SETD2: variants seen among roughly 807,000 people sequenced by gnomAD.
SETD2 encodes histone-lysine N-methyltransferase SETD2.
In SETD2, 31 loss-of-function variants were observed where a neutral mutation model predicts 242.1. The observed-to-expected ratio is 0.13, with a 90% CI of 0.10 to 0.17. The LOEUF (loss-of-function observed/expected upper bound fraction) is 0.17, where lower values mean the gene tolerates loss of function less well. SETD2 is among the 10% of genes least tolerant of loss of function. The pLI is 1.00. For synonymous variants in SETD2, 1,006 were observed against 1,066.5 expected (o/e 0.94, Z 1.11); for missense variants, 2,481 against 3,046.3 (o/e 0.81, Z 4.37).
In SETD2 at chr3:47,057,436, A is replaced by C. The variant is rs1485734385; in HGVS notation, c.6348T>G (p.Leu2116=). 2.5e-6 allele frequency: 4 copies of C among 1,614,196 alleles called. No individual in the cohort carries two copies. The African/African-American group carries it at 5.3e-5, about 22-fold the overall frequency. The change falls in exon 15 of 21, where the codon CTT becomes CTG. Residue 2116 remains leucine (L), a synonymous_variant. Coordinates refer to ENST00000409792, the MANE Select transcript of SETD2 (RefSeq NM_014159.7). ...ACAACTTCCGGCGTTCCTCTGTAGA[A>C]AGTTTATTGCGGTCTTTAATTCGTA... ...KKVRIKDRNK[L]STEERRKLFE...
intron 12 of SETD2, among the ~76,000 whole-genome samples, chr3:47,069,397 T>C (rs1400049394): frequency 6.6e-6 from 1 of 152,198 alleles, no homozygotes; most frequent in East Asian, 1.9e-4. Flanking sequence ...TGTGATTCTC[T>C]ACCCTGGTTG....
chr3:47,098,481 G>C (rs1038721528), intron 8 of SETD2: 2 of 160,144 alleles, frequency 1.2e-5, no homozygotes, highest in Admixed American at 1.3e-4. Flanking sequence ...AGTATAAGCA[G>C]ACATAAAATG....
intron 15 of SETD2, among the ~76,000 whole-genome samples, chr3:47,049,952 A>T (rs1360775708): frequency 6.8e-6 from 1 of 146,428 alleles, no homozygotes; most frequent in Non-Finnish European, 1.5e-5. Context: ...AAGTTTATAT[A>T]TTTGTACATA....
intron 10 of SETD2, 54 bp from the exon 11 acceptor site, chr3:47,086,368 T>A: frequency 6.3e-7 from 1 of 1,584,586 alleles, no homozygotes; most frequent in South Asian, 1.1e-5. Flanking sequence ...AATATCAGAA[T>A]ATTACAAAGA....
chr3:47,064,353 C>A (rs1032859825), intron 13 of SETD2, among the ~76,000 whole-genome samples: 1 of 152,128 alleles, frequency 6.6e-6, no homozygotes, highest in African/African-American at 2.4e-5. Context: ...GTAGAAAATG[C>A]AGTATAATTA....
chr3:47,051,305 A>T (rs1352928820), intron 15 of SETD2, among the ~76,000 whole-genome samples: 1 of 151,968 alleles, frequency 6.6e-6, no homozygotes, highest in Non-Finnish European at 1.5e-5. Context: ...AGGTTTCGCC[A>T]TGTTAACCAA....
rs2107600559 is a variant in SETD2, at chr3:47,067,136, G to A, written c.6061-18C>T. The A allele has an allele frequency of 6.2e-7, 1 of 1,600,278 alleles. No homozygotes were observed. Among genetic ancestry groups the A allele is most frequent in the Non-Finnish European group, 8.6e-7 (1 of 1,167,638 alleles). On this transcript the variant is annotated intron_variant, in intron 12 of 20. Coordinates refer to ENST00000409792, the MANE Select transcript of SETD2 (RefSeq NM_014159.7). The stretch of plus-strand genomic sequence containing the variant: ...TATACCTCCTGCAAAAAATAAACCA[G>A]AGGGAGGGTTATTAGTGAGGGTGGA...
At position 47,017,022 on chromosome 3, in the gene SETD2, A is replaced by G. The variant is rs2107483688; in HGVS notation, c.*71T>C. 6.9e-7 allele frequency: 1 copy of G among 1,453,224 alleles called. No individual in the cohort carries two copies. Among genetic ancestry groups the G allele is most frequent in the East Asian group, 2.3e-5 (1 of 43,930 alleles). The allele number at this position is 1,453,224 out of a possible 1,614,324, so 90.0% of individuals were successfully genotyped here. A position where few individuals can be genotyped will look rare whatever the true frequency, so the allele number is the denominator to read the frequency against. On this transcript the variant is annotated 3_prime_UTR_variant, in exon 21 of 21. Coordinates refer to ENST00000409792, the MANE Select transcript of SETD2 (RefSeq NM_014159.7). This position sits in a 1 kb window ranked among gnomAD's most constrained non-coding sequence, Gnocchi z 4.8. The stretch of plus-strand genomic sequence containing the variant: ...CAGTGCTGACAGGGGTGGGACAGAA[A>G]GGCCCACAGGATTTCCTCTCCCTAG...
intron 1 of SETD2, among the ~76,000 whole-genome samples, chr3:47,149,621 T>TAATACCTACTCTTC (rs1374931051): frequency 4.6e-5 from 7 of 152,194 alleles, no homozygotes; most frequent in Admixed American, 3.3e-4. Flanking sequence ...TCTTCAAGGC[T>TAATACCTACTCTTC]AAGTTCAGGT....
Position 47,162,653 on chromosome 3 carries a change from A to C in SETD2, c.71+1201T>G, listed in dbSNP as rs149274356. On this transcript the variant is annotated intron_variant, in intron 1 of 20. Coordinates refer to ENST00000409792, the MANE Select transcript of SETD2 (RefSeq NM_014159.7). The stretch of plus-strand genomic sequence containing the variant: ...GGGATTCAAAAACGAGCCAGAGCAA[A>C]CCTAAGGTAAAATGTGTCAAAACAG... 1.2e-4 allele frequency among the ~76,000 whole-genome samples: 19 copies of C among 152,344 alleles called. No individual in the cohort carries two copies. In the East Asian group the frequency reaches 3.7e-3, roughly 29 times the overall value.
At chr3:47,027,407 GT>G (rs2038541020) in intron 18 of SETD2, among the ~76,000 whole-genome samples, 1 of 151,032 alleles carries the variant, frequency 6.6e-6, no homozygotes, top group African/African-American at 2.4e-5. Flanking sequence ...ACCAGGGACT[GT>G]TGTGGGGTGG....
intron 11 of SETD2, among the ~76,000 whole-genome samples, chr3:47,085,466 C>T (rs2041512690): frequency 6.6e-6 from 1 of 152,194 alleles, no homozygotes; most frequent in South Asian, 2.1e-4. Context: ...CTTAGACAAC[C>T]TCCCCCATTT....
intron 12 of SETD2, among the ~76,000 whole-genome samples, chr3:47,076,650 C>T (rs1189949728): frequency 2.0e-5 from 3 of 151,992 alleles, no homozygotes; most frequent in African/African-American, 4.8e-5. Context: ...TTTTAGTAAT[C>T]GGTTAAGATA....
intron 6 of SETD2, 87 bp downstream of exon 6, chr3:47,105,903 CAAAAAAA>C (rs55987628): frequency 5.6e-4 from 545 of 966,278 alleles, no homozygotes; most frequent in African/African-American, 1.1e-3. Context: ...ACTCCGTCTC[CAAAAAAA>C]AAAAAAAAAA....
At chr3:47,153,444 T>C (rs2044046097) in intron 1 of SETD2, among the ~76,000 whole-genome samples, 1 of 152,162 alleles carries the variant, frequency 6.6e-6, no homozygotes, top group Non-Finnish European at 1.5e-5. Context: ...AACCAACCAT[T>C]TTCAAGAGAC....
chr3:47,086,917 G>A (rs1242481540), intron 10 of SETD2, among the ~76,000 whole-genome samples: 1 of 151,786 alleles, frequency 6.6e-6, no homozygotes, highest in African/African-American at 2.4e-5. Context: ...GTGTGTGCCT[G>A]TAGTCCTAGA....
At chr3:47,102,189 A>C (rs1274435946) in intron 7 of SETD2, among the ~76,000 whole-genome samples, 3 of 152,190 alleles carry the variant, frequency 2.0e-5, no homozygotes, top group Admixed American at 6.5e-5. Context: ...TGATCCAGAC[A>C]ATTTGCACAT....
intron 10 of SETD2, among the ~76,000 whole-genome samples, chr3:47,087,468 G>A (rs1049997307): frequency 6.6e-6 from 1 of 152,080 alleles, no homozygotes; most frequent in Non-Finnish European, 1.5e-5. Context: ...TATGAGAATC[G>A]AATGCCGCTG....
At chr3:47,091,299 A>AT (rs2041793387) in intron 9 of SETD2, among the ~76,000 whole-genome samples, 1 of 152,184 alleles carries the variant, frequency 6.6e-6, no homozygotes, top group Non-Finnish European at 1.5e-5. Flanking sequence ...CTTTTGACAG[A>AT]TTTTTGAGAC....
Sources: gnomAD v4.1 joint callset for allele counts (sites outside exome capture counted in the v4.1 genomes callset) on GRCh38, gnomAD v4.1.1 for gene constraint, Gnocchi (gnomAD v3.1) non-coding constraint, MANE v1.5 for transcripts, NCBI Gene and HGNC (gene_info 2026-07-23, HGNC 2026-07-21) for gene names.